Variants in SDK1 observed in about 807,000 individuals in gnomAD.
SDK1 encodes the protein protein sidekick-1.
SDK1 carries 157 observed loss-of-function variants against 245.5 expected under a neutral mutation model. The ratio of observed to expected loss-of-function variants is 0.64; its 90% CI spans 0.56 to 0.73. The LOEUF is 0.73. Ranked by LOEUF, SDK1 falls within the 30% of genes least tolerant of loss-of-function variation. The pLI, the probability that SDK1 is intolerant of heterozygous loss-of-function variation, is 0.00. For synonymous variants in SDK1, 1,647 were observed against 1,278.5 expected, an observed-to-expected ratio of 1.29 and a Z score of -6.15; for missense variants, 3,583 against 3,002.3, an observed-to-expected ratio of 1.19 and a Z score of -4.52.
intron 1 of SDK1, among the ~76,000 whole-genome samples, chr7:3,541,493 T>G (rs2614951): frequency 0.26 from 39,159 of 152,230 alleles, 5,394 homozygotes; most frequent in South Asian, 0.38. Context: ...TTCCTTCTTA[T>G]GAAGTCCTAG....
chr7:3,704,018 C>T (rs981678299), intron 4 of SDK1, among the ~76,000 whole-genome samples: 1 of 152,136 alleles, frequency 6.6e-6, no homozygotes, highest in African/African-American at 2.4e-5. Context: ...GAGTATTGTA[C>T]ATTGCACCCA....
At chr7:4,098,830 T>TTC (rs1758943917) in intron 22 of SDK1, among the ~76,000 whole-genome samples, 1 of 136,228 alleles carries the variant, frequency 7.3e-6, no homozygotes, top group Non-Finnish European at 1.6e-5. Flanking sequence ...TGCCCTTTTT[T>TTC]TTTTTTTTTT....
intron 5 of SDK1, among the ~76,000 whole-genome samples, chr7:3,847,590 C>G (rs1190144631): frequency 1.3e-5 from 2 of 152,190 alleles, no homozygotes; most frequent in African/African-American, 2.4e-5. Flanking sequence ...TTTGTTGACG[C>G]TGTCATGCTC....
At chr7:3,625,175 A>T (rs1440674266) in intron 2 of SDK1, among the ~76,000 whole-genome samples, 1 of 152,068 alleles carries the variant, frequency 6.6e-6, no homozygotes, top group African/African-American at 2.4e-5. Flanking sequence ...AATTAAATAT[A>T]AAAAAATGGA....
At chr7:3,831,948 G>A (rs1779922474) in intron 5 of SDK1, among the ~76,000 whole-genome samples, 1 of 152,072 alleles carries the variant, frequency 6.6e-6, no homozygotes, top group Non-Finnish European at 1.5e-5. Context: ...CTGCTCAGAA[G>A]GGTGAGGTAG....
intron 1 of SDK1, among the ~76,000 whole-genome samples, chr7:3,317,609 C>G (rs762618609): frequency 1.1e-4 from 17 of 152,162 alleles, no homozygotes; most frequent in Non-Finnish European, 1.5e-5. Context: ...GGCGTTTTTT[C>G]CTTCCCTACC....
At chr7:3,738,989 T>A (rs1442086627) in intron 4 of SDK1, among the ~76,000 whole-genome samples, 1 of 152,080 alleles carries the variant, frequency 6.6e-6, no homozygotes, top group Non-Finnish European at 1.5e-5. Context: ...AATATTTCCT[T>A]ATTTTTTTCT....
chr7:3,304,031 A>G (rs747781268), intron 1 of SDK1, among the ~76,000 whole-genome samples: 3 of 152,212 alleles, frequency 2.0e-5, no homozygotes, highest in Non-Finnish European at 4.4e-5. Flanking sequence ...TCATGTAAGT[A>G]GGCTAGGTCG....
intron 5 of SDK1, among the ~76,000 whole-genome samples, chr7:3,850,275 G>T (rs1238755288): frequency 2.6e-5 from 4 of 152,192 alleles, no homozygotes; most frequent in African/African-American, 9.7e-5. Flanking sequence ...GCAATGCTAT[G>T]TATCTCATGA....
At chr7:4,257,556 T>C (rs1184930198) in intron 44 of SDK1, among the ~76,000 whole-genome samples, 1 of 152,254 alleles carries the variant, frequency 6.6e-6, no homozygotes, top group African/African-American at 2.4e-5. Context: ...TGACAGGGGC[T>C]GAGCAGGAGC....
At chr7:3,554,197 C>T (rs1211387336) in intron 1 of SDK1, among the ~76,000 whole-genome samples, 1 of 152,176 alleles carries the variant, frequency 6.6e-6, no homozygotes, top group East Asian at 1.9e-4. Context: ...CAAGACGGCG[C>T]ACATCCTGGG....
At chr7:3,600,706 G>GCCCGGTTA (rs2128638646) in intron 1 of SDK1, among the ~76,000 whole-genome samples, 1 of 151,612 alleles carries the variant, frequency 6.6e-6, no homozygotes, top group South Asian at 2.1e-4. Context: ...CCACCACCAC[G>GCCCGGTTA]CCCGGTTAAT....
At chr7:3,340,129 G>T (rs1487331204) in intron 1 of SDK1, among the ~76,000 whole-genome samples, 2 of 151,764 alleles carry the variant, frequency 1.3e-5, no homozygotes, top group Non-Finnish European at 2.9e-5. Context: ...TTTTATTTTA[G>T]TTTTTCTCAA....
At chr7:3,397,787 T>C (rs561960771) in intron 1 of SDK1, among the ~76,000 whole-genome samples, 13 of 152,228 alleles carry the variant, frequency 8.5e-5, no homozygotes, top group African/African-American at 2.6e-4. Context: ...TTAGGGTTTT[T>C]ATCTCTGCTT....
At chr7:3,900,040 A>G (rs555010377) in intron 5 of SDK1, among the ~76,000 whole-genome samples, 33 of 152,374 alleles carry the variant, frequency 2.2e-4, no homozygotes, top group African/African-American at 7.7e-4. Flanking sequence ...AGTGTATGAC[A>G]CTAACATTTA....
chr7:4,222,523 G>A lies in SDK1; in HGVS notation c.5827+1159G>A, dbSNP rs369752494. On this transcript the variant is annotated intron_variant, in intron 40 of 44. Transcript: ENST00000404826. ...TTGGCCAGGCTGGTCTCAAACTCCT[G>A]ACCTCAAGTGATCTACCCTCCTCGG... 9.9e-5 allele frequency among the ~76,000 whole-genome samples: 15 copies of A among 152,102 alleles called. 1 individual carries two copies. Among genetic ancestry groups the A allele is most frequent in the Admixed American group, 7.2e-4 (11 of 15,262 alleles).
In SDK1 at chr7:3,985,214, G is replaced by A. The variant is rs1007731825; in HGVS notation, c.1995-1972G>A. Among the ~76,000 whole-genome samples, 55 of 152,240 alleles carry A rather than the reference G, an allele frequency of 3.6e-4. 1 individual carries two copies. The highest frequency in any genetic ancestry group is 1.2e-3 in the African/African-American group (49 of 41,470). On this transcript the variant is annotated intron_variant, in intron 13 of 44. Transcript: ENST00000404826. ...GGTCTGAGAGGTTCACCATGGTGGC[G>A]AAAACCGTCCCAGTCACTCAGGAAA...
At chr7:3,623,168 T>C (rs567104197) in intron 2 of SDK1, among the ~76,000 whole-genome samples, 1 of 152,224 alleles carries the variant, frequency 6.6e-6, no homozygotes, top group Non-Finnish European at 1.5e-5. Flanking sequence ...ATTTACTTTT[T>C]CTAGCTTTGA....
intron 1 of SDK1, among the ~76,000 whole-genome samples, chr7:3,505,438 A>G (rs933065811): frequency 4.6e-5 from 7 of 152,040 alleles, no homozygotes; most frequent in Non-Finnish European, 8.8e-5. Flanking sequence ...TTTTGCAGGG[A>G]TGGGGTCTCA....
Sources: gnomAD v4.1 joint callset for allele counts (sites outside exome capture counted in the v4.1 genomes callset) on GRCh38, gnomAD v4.1.1 for gene constraint, MANE v1.5 for transcripts, NCBI Gene and HGNC (gene_info 2026-07-23, HGNC 2026-07-21) for gene names.